TMTC2: variants seen among roughly 807,000 people sequenced by gnomAD.
TMTC2 encodes the protein protein O-mannosyl-transferase TMTC2.
Under a neutral mutation model 82.4 loss-of-function variants are expected in TMTC2, and 43 were observed. The ratio of observed to expected loss-of-function variants is 0.52; its 90% CI spans 0.41 to 0.67. The LOEUF (loss-of-function observed/expected upper bound fraction) is 0.67. TMTC2 is among the 30% of genes least tolerant of loss of function. TMTC2 has a pLI of 0.00. For missense variants in TMTC2, 919 were observed against 1,012.4 expected (o/e 0.91, Z 1.25); for synonymous variants, 408 against 381.9 (o/e 1.07, Z -0.80).
intron 2 of TMTC2, among the ~76,000 whole-genome samples, chr12:82,877,193 A>G (rs1023146264): frequency 6.6e-6 from 1 of 152,188 alleles, no homozygotes; most frequent in Non-Finnish European, 1.5e-5. Context: ...ATTTACTACA[A>G]CAGTAAACTA....
intron 3 of TMTC2, among the ~76,000 whole-genome samples, chr12:82,929,354 G>A (rs1181311076): frequency 6.6e-6 from 1 of 152,034 alleles, no homozygotes; most frequent in Non-Finnish European, 1.5e-5. Flanking sequence ...ATTGTGCCCA[G>A]CCTCAGACAC....
chr12:83,040,953 G>A (rs1881872627), intron 9 of TMTC2, among the ~76,000 whole-genome samples: 1 of 151,874 alleles, frequency 6.6e-6, no homozygotes, highest in Admixed American at 6.6e-5. Flanking sequence ...CAAAGTGCTG[G>A]GATTACAGGC....
intron 8 of TMTC2, among the ~76,000 whole-genome samples, chr12:83,001,994 TAGAA>T (rs1229586939): frequency 1.3e-5 from 2 of 152,244 alleles, no homozygotes; most frequent in East Asian, 3.8e-4. Context: ...GCTGGCTTCA[TAGAA>T]TGAGTTAGGA....
chr12:82,822,567 C>T (rs1869179523), intron 1 of TMTC2, among the ~76,000 whole-genome samples: 1 of 152,098 alleles, frequency 6.6e-6, no homozygotes, highest in Non-Finnish European at 1.5e-5. Flanking sequence ...TATGAAATAC[C>T]ATACTAAAAC....
intron 1 of TMTC2, among the ~76,000 whole-genome samples, chr12:82,852,982 T>C (rs1871061176): frequency 6.6e-6 from 1 of 152,266 alleles, no homozygotes; most frequent in Non-Finnish European, 1.5e-5. Flanking sequence ...ATCATACTAA[T>C]GTCTCCCTTA....
chr12:83,051,075 T>C, intron 10 of TMTC2, 57 bp downstream of exon 10: 2 of 1,287,444 alleles, frequency 1.6e-6, no homozygotes, highest in Non-Finnish European at 2.2e-6. Flanking sequence ...TAATTAATTA[T>C]ACGAATTTTC....
intron 8 of TMTC2, among the ~76,000 whole-genome samples, chr12:83,014,635 A>T (rs1160642835): frequency 6.6e-6 from 1 of 152,172 alleles, no homozygotes; most frequent in African/African-American, 2.4e-5. Context: ...CAGTCCTGGA[A>T]TGCTATTTTA....
At chr12:82,727,588 G>A (rs919669809) in intron 1 of TMTC2, among the ~76,000 whole-genome samples, 1 of 151,978 alleles carries the variant, frequency 6.6e-6, no homozygotes, top group Admixed American at 6.6e-5. Flanking sequence ...AGGCATGATG[G>A]CGTGGGCCTG....
intron 11 of TMTC2, among the ~76,000 whole-genome samples, chr12:83,104,841 A>G (rs1884342870): frequency 6.6e-6 from 1 of 152,176 alleles, no homozygotes; most frequent in African/African-American, 2.4e-5. Context: ...TCTCTGCCAC[A>G]TGGCCAGACT....
chr12:82,842,871 C>T (rs1050770975), intron 1 of TMTC2, among the ~76,000 whole-genome samples: 4 of 152,096 alleles, frequency 2.6e-5, no homozygotes, highest in Admixed American at 6.5e-5. Flanking sequence ...AGGACCCACC[C>T]GAAATGCCTC....
At chr12:83,077,715 C>G (rs961375540) in intron 11 of TMTC2, among the ~76,000 whole-genome samples, 1 of 151,770 alleles carries the variant, frequency 6.6e-6, no homozygotes, top group Non-Finnish European at 1.5e-5. Context: ...GCTGGGACTA[C>G]CGGCACACGC....
chr12:82,993,771 G>A (rs1013916335), intron 8 of TMTC2, among the ~76,000 whole-genome samples: 2 of 152,148 alleles, frequency 1.3e-5, no homozygotes, highest in African/African-American at 4.8e-5. Flanking sequence ...TCTGAGGCTG[G>A]CGTGCGGGTG....
chr12:82,937,969 C>T (rs1436809692), intron 4 of TMTC2, among the ~76,000 whole-genome samples: 2 of 140,360 alleles, frequency 1.4e-5, no homozygotes, highest in Non-Finnish European at 3.0e-5. Context: ...GGGTGGAGTG[C>T]AGTGGCGTGA....
chr12:82,734,224 A>G (rs897760778), intron 1 of TMTC2, among the ~76,000 whole-genome samples: 2 of 152,190 alleles, frequency 1.3e-5, no homozygotes, highest in Admixed American at 6.5e-5. Context: ...TTACCACAAG[A>G]GCGAGCAGGC....
intron 3 of TMTC2, among the ~76,000 whole-genome samples, chr12:82,923,335 G>A (rs1356521370): frequency 6.6e-6 from 1 of 151,812 alleles, no homozygotes; most frequent in Non-Finnish European, 1.5e-5. Context: ...TTCCTCTATT[G>A]GATTTCTTAT....
At chr12:82,721,302 G>A (rs1565721474) in intron 1 of TMTC2, among the ~76,000 whole-genome samples, 1 of 152,160 alleles carries the variant, frequency 6.6e-6, no homozygotes, top group Non-Finnish European at 1.5e-5. Context: ...GGTTAGGGAC[G>A]AAGCTCATAT....
At chr12:82,929,191 C>T (rs956842378) in intron 3 of TMTC2, among the ~76,000 whole-genome samples, 5 of 151,922 alleles carry the variant, frequency 3.3e-5, no homozygotes, top group African/African-American at 9.7e-5. Flanking sequence ...TGGGCTCAAG[C>T]GATCATGACA....
At chr12:83,022,148 A>G (rs1472060377) in intron 8 of TMTC2, among the ~76,000 whole-genome samples, 4 of 152,010 alleles carry the variant, frequency 2.6e-5, no homozygotes, top group African/African-American at 9.7e-5. Flanking sequence ...CATGCTCCTT[A>G]CAGAACCCAC....
chr12:82,987,349 A>C (rs568104360), intron 8 of TMTC2, among the ~76,000 whole-genome samples: 4 of 141,738 alleles, frequency 2.8e-5, no homozygotes, highest in Non-Finnish European at 6.0e-5. Context: ...GCTTGAACCC[A>C]GAAGGCCAAG....
Sources: allele counts gnomAD v4.1 joint callset (sites outside exome capture counted in the v4.1 genomes callset), GRCh38; gene constraint gnomAD v4.1.1; transcripts MANE v1.5; gene names NCBI Gene and HGNC (gene_info 2026-07-23, HGNC 2026-07-21).